The following TET1 variants were observed in gnomAD, a reference collection of about 807,000 sequenced individuals.
TET1 encodes methylcytosine dioxygenase TET1.
Under a neutral mutation model 148.7 loss-of-function variants are expected in TET1, and 13 were observed. The observed-to-expected ratio is 0.09, with a 90% CI of 0.06 to 0.14. TET1 has a LOEUF of 0.14. TET1 is among the 10% of genes least tolerant of loss of function. The pLI, the probability that TET1 is intolerant of heterozygous loss-of-function variation, is 1.00. For synonymous variants in TET1, 907 were observed against 937.2 expected, an observed-to-expected ratio of 0.97 and a Z score of 0.59; for missense variants, 2,182 against 2,553.8, an observed-to-expected ratio of 0.85 and a Z score of 3.14.
At chr10:68,662,932 G>C (rs1275775832) in intron 6 of TET1, among the ~76,000 whole-genome samples, 1 of 152,054 alleles carries the variant, frequency 6.6e-6, no homozygotes, top group Non-Finnish European at 1.5e-5. Context: ...AAAAGGAAAA[G>C]AAAACAAAAC....
At chr10:68,589,691 G>T (rs1360218044) in intron 2 of TET1, among the ~76,000 whole-genome samples, 3 of 129,476 alleles carry the variant, frequency 2.3e-5, no homozygotes, top group East Asian at 2.2e-4. Flanking sequence ...TTTTTTTGGA[G>T]ACAAGAGTCT....
Position 68,574,183 on chromosome 10 carries a change from C to G in TET1, c.1845C>G (p.Ser615Arg), listed in dbSNP as rs1375977443. The G allele has an allele frequency of 6.2e-7, 1 of 1,613,710 alleles. No homozygotes were observed. The highest frequency in any genetic ancestry group is 8.5e-7 in the Non-Finnish European group (1 of 1,180,024). ...CTTACTGCAAGAACAGAAAGAACAG[C>G]CATCAGATCTGTAAGAAAAGAAAAT... ...ECTYCKNRKN[S>R]HQICKKRKCE... The change falls in exon 2 of 12, where the codon AGC becomes AGG. Residue 615 changes from serine (S) to arginine (R), a missense_variant. By Grantham distance (110) the Ser-to-Arg change is moderately radical. Coordinates refer to ENST00000373644, the MANE Select transcript of TET1 (RefSeq NM_030625.3).
intron 3 of TET1, among the ~76,000 whole-genome samples, chr10:68,638,304 A>T (rs893636165): frequency 6.6e-6 from 1 of 152,214 alleles, no homozygotes; most frequent in Non-Finnish European, 1.5e-5. Context: ...AGGTCCTGAC[A>T]GTGTCATTTC....
intron 2 of TET1, among the ~76,000 whole-genome samples, chr10:68,589,162 ATTTCCCTCTGAATCATGGTCTGGTAATTC>A (rs1264179040): frequency 6.6e-6 from 1 of 151,914 alleles, no homozygotes; most frequent in African/African-American, 2.4e-5. Flanking sequence ...CCTGGACCTT[ATTTCCCTCTGAATCATGGTCTGGTAATTC>A]TTCACTATCA....
At position 68,686,683 on chromosome 10, in the gene TET1, A is replaced by C. The variant is rs779028252; in HGVS notation, c.5380A>C (p.Lys1794Gln). The C allele has an allele frequency of 1.2e-6, 2 of 1,613,800 alleles. No homozygotes were observed. The highest frequency in any genetic ancestry group is 2.2e-5 in the South Asian group (2 of 91,030). Residue 1794 changes from lysine to glutamine, a missense_variant, in exon 11 of 12, where the codon AAG (lysine) becomes CAG (glutamine). Lys to Gln is a moderately conservative substitution (Grantham distance 53). Around this residue, in one of 11 missense-constraint regions of TET1, gnomAD observed 380 missense variants for 387.9 expected, o/e 0.98. Coordinates refer to ENST00000373644, the MANE Select transcript of TET1 (RefSeq NM_030625.3). ...KNNSTTTNNS[K>Q]PSSLPTLGSN... ...TAACTCAACAACAACAAACAACAGTAAGCCTTCGTCACTGCCAACCTTAGG... is the reference window on the plus strand; with the variant it reads ...TAACTCAACAACAACAAACAACAGTCAGCCTTCGTCACTGCCAACCTTAGG...
intron 8 of TET1, among the ~76,000 whole-genome samples, chr10:68,681,026 C>T (rs1193385345): frequency 6.6e-6 from 1 of 152,152 alleles, no homozygotes; most frequent in African/African-American, 2.4e-5. Flanking sequence ...TACATTGTAA[C>T]CAAGTTACTT....
chr10:68,674,340 C>T, intron 8 of TET1: 1 of 206,558 alleles, frequency 4.8e-6, no homozygotes, highest in Non-Finnish European at 9.8e-6. Context: ...TAGTGGTTGG[C>T]AAGAATAAGG....
intron 3 of TET1, among the ~76,000 whole-genome samples, chr10:68,621,680 C>T (rs952582716): frequency 5.9e-5 from 9 of 152,198 alleles, no homozygotes; most frequent in Non-Finnish European, 1.3e-4. Context: ...TCCTTCTCTA[C>T]ATCTGTTGCA....
intron 3 of TET1, among the ~76,000 whole-genome samples, chr10:68,624,316 T>C (rs139825698): frequency 3.9e-4 from 59 of 150,774 alleles, no homozygotes; most frequent in African/African-American, 1.4e-3. Flanking sequence ...TTAGACGGAG[T>C]CTTGCTCTTG....
At chr10:68,583,185 T>A (rs2053821838) in intron 2 of TET1, among the ~76,000 whole-genome samples, 1 of 152,186 alleles carries the variant, frequency 6.6e-6, no homozygotes, top group Non-Finnish European at 1.5e-5. Context: ...AGGGCTTAAC[T>A]TCAGATCTCT....
At chr10:68,686,029 A>AT (rs1248288963) in intron 10 of TET1, among the ~76,000 whole-genome samples, 1 of 152,226 alleles carries the variant, frequency 6.6e-6, no homozygotes, top group East Asian at 1.9e-4. Context: ...ACATAGTTCA[A>AT]TAGCCATTCC....
intron 2 of TET1, among the ~76,000 whole-genome samples, chr10:68,581,409 C>G (rs1418369107): frequency 2.0e-5 from 3 of 152,060 alleles, no homozygotes; most frequent in African/African-American, 7.2e-5. Context: ...AACATATGCA[C>G]TACCCTATTT....
chr10:68,686,851 G>T, intron 11 of TET1, 144 bp downstream of exon 11: 1 of 737,638 alleles, frequency 1.4e-6, no homozygotes, highest in Non-Finnish European at 2.1e-6. Flanking sequence ...CAACAAAAAA[G>T]TGACCCATCA....
At chr10:68,683,125 A>G in intron 10 of TET1, 152 bp downstream of exon 10, 2 of 926,278 alleles carry the variant, frequency 2.2e-6, no homozygotes, top group Non-Finnish European at 3.1e-6. Context: ...AAAAAGAAAT[A>G]AGTGTGTAGT....
intron 7 of TET1, among the ~76,000 whole-genome samples, chr10:68,671,780 G>A (rs1377142092): frequency 1.3e-5 from 2 of 151,962 alleles, no homozygotes; most frequent in African/African-American, 4.8e-5. Context: ...TTTTGTTTTT[G>A]TTTTTGTTTT....
At chr10:68,657,123 A>C (rs1265129127) in intron 6 of TET1, among the ~76,000 whole-genome samples, 2 of 152,014 alleles carry the variant, frequency 1.3e-5, no homozygotes, top group African/African-American at 4.8e-5. Flanking sequence ...GGACCACTGG[A>C]GCCCAGTAGT....
At chr10:68,624,662 C>CTTTT (rs1564975112) in intron 3 of TET1, among the ~76,000 whole-genome samples, 1 of 81,200 alleles carries the variant, frequency 1.2e-5, no homozygotes, top group Non-Finnish European at 2.5e-5. Context: ...CTTTCTTTCT[C>CTTTT]TCTCTCTCTC....
At chr10:68,568,248 A>C (rs1366414750) in intron 1 of TET1, among the ~76,000 whole-genome samples, 2 of 95,816 alleles carry the variant, frequency 2.1e-5, no homozygotes, top group African/African-American at 4.1e-5. Flanking sequence ...TTGAGATGGC[A>C]TTTCACTCTT....
chr10:68,589,014 T>G (rs1184205628), intron 2 of TET1, among the ~76,000 whole-genome samples: 1 of 151,842 alleles, frequency 6.6e-6, no homozygotes, highest in Non-Finnish European at 1.5e-5. Flanking sequence ...TCTCAGCTAG[T>G]AGGGACGCTG....
Sources: allele counts gnomAD v4.1 joint callset (sites outside exome capture counted in the v4.1 genomes callset), GRCh38; gene constraint gnomAD v4.1.1; regional missense constraint gnomAD v4.1.1; transcripts MANE v1.5; gene names NCBI Gene and HGNC (gene_info 2026-07-23, HGNC 2026-07-21).